MACROD2: variants seen among roughly 807,000 people sequenced by gnomAD.
MACROD2 encodes the protein ADP-ribose glycohydrolase MACROD2.
In MACROD2, 36 loss-of-function variants were observed where a neutral mutation model predicts 70.4. That is an observed-to-expected ratio of 0.51 (90% confidence interval 0.39 to 0.68). The LOEUF is 0.68. Ranked by LOEUF, MACROD2 falls within the 30% of genes least tolerant of loss-of-function variation. The pLI is 0.00. For missense variants in MACROD2, 496 were observed against 538.4 expected, an observed-to-expected ratio of 0.92 and a Z score of 0.78; for synonymous variants, 172 against 178.8, an observed-to-expected ratio of 0.96 and a Z score of 0.30.
At chr20:14,437,498 G>T (rs2084069720) in intron 3 of MACROD2, among the ~76,000 whole-genome samples, 1 of 152,112 alleles carries the variant, frequency 6.6e-6, no homozygotes, top group Non-Finnish European at 1.5e-5. Flanking sequence ...GGAGGCTAAG[G>T]CAGGAGAATC....
intron 5 of MACROD2, among the ~76,000 whole-genome samples, chr20:14,758,559 A>G (rs1797456395): frequency 6.6e-6 from 1 of 152,106 alleles, no homozygotes; most frequent in Admixed American, 6.5e-5. Flanking sequence ...ATTATAACAG[A>G]TGCTTTAAAG....
chr20:15,355,628 A>T (rs147126457), intron 6 of MACROD2, among the ~76,000 whole-genome samples: 76 of 152,256 alleles, frequency 5.0e-4, no homozygotes, highest in Middle Eastern at 3.4e-3. Flanking sequence ...GGCTGGTCCA[A>T]AGTTTCAACT....
At chr20:15,904,126 G>A (rs1008843011) in intron 10 of MACROD2, among the ~76,000 whole-genome samples, 3 of 152,092 alleles carry the variant, frequency 2.0e-5, no homozygotes, top group African/African-American at 4.8e-5. Context: ...TCCTCACCCC[G>A]GGAAGGCCAT....
intron 4 of MACROD2, among the ~76,000 whole-genome samples, chr20:14,520,983 A>ACG (rs1327136127): frequency 1.3e-5 from 2 of 151,718 alleles, no homozygotes; most frequent in Non-Finnish European, 2.9e-5. Context: ...ACGCACACAC[A>ACG]CACCCCCCAA....
rs191040655 is a variant in MACROD2, at chr20:15,559,342, T to G, written c.645+59495T>G. 3.9e-4 allele frequency among the ~76,000 whole-genome samples: 59 copies of G among 150,452 alleles called. 1 individual carries two copies. The highest frequency in any genetic ancestry group is 3.8e-3 in the Admixed American group (58 of 15,106). On this transcript the variant is annotated intron_variant, in intron 8 of 17. Coordinates refer to ENST00000684519, the MANE Select transcript of MACROD2 (RefSeq NM_001351661.2). Reference sequence around the variant, plus strand: ...AGTGAATAAAATATTAAATAAAGAATAGTCATGATTAAATCAATCTCTGGA... The same window carrying G: ...AGTGAATAAAATATTAAATAAAGAAGAGTCATGATTAAATCAATCTCTGGA...
chr20:15,683,009 T>C (rs2050180564), intron 8 of MACROD2, among the ~76,000 whole-genome samples: 1 of 152,220 alleles, frequency 6.6e-6, no homozygotes, highest in African/African-American at 2.4e-5. Context: ...AGATAGTAGT[T>C]AACCTACTCT....
chr20:15,281,469 C>G (rs537552902), intron 6 of MACROD2, among the ~76,000 whole-genome samples: 7 of 152,272 alleles, frequency 4.6e-5, no homozygotes, highest in African/African-American at 1.7e-4. Flanking sequence ...TGGATAAATG[C>G]ACCCATTCCA....
chr20:15,793,425 C>T (rs910748029), intron 8 of MACROD2, among the ~76,000 whole-genome samples: 31 of 152,134 alleles, frequency 2.0e-4, no homozygotes, highest in Admixed American at 1.4e-3. Context: ...TGATATCTTC[C>T]TGTTCATTTA....
At chr20:15,024,546 TA>T (rs1409079505) in intron 5 of MACROD2, among the ~76,000 whole-genome samples, 9 of 151,976 alleles carry the variant, frequency 5.9e-5, no homozygotes, top group South Asian at 2.1e-4. Context: ...AATATCATAA[TA>T]AAAAACATTT....
At chr20:14,771,271 T>C (rs1165297212) in intron 5 of MACROD2, among the ~76,000 whole-genome samples, 1 of 152,090 alleles carries the variant, frequency 6.6e-6, no homozygotes, top group Non-Finnish European at 1.5e-5. Flanking sequence ...AAATGGCAGA[T>C]GGAGTTTTTT....
intron 8 of MACROD2, among the ~76,000 whole-genome samples, chr20:15,808,763 T>C (rs1036285246): frequency 1.3e-5 from 2 of 152,178 alleles, no homozygotes; most frequent in African/African-American, 4.8e-5. Context: ...TTCAGTAATA[T>C]ATAATAAAAC....
At chr20:15,138,457 A>G (rs529344502) in intron 5 of MACROD2, among the ~76,000 whole-genome samples, 1 of 152,236 alleles carries the variant, frequency 6.6e-6, no homozygotes, top group African/African-American at 2.4e-5. Context: ...CCAGTGTAAA[A>G]TTCAAAGAGT....
intron 8 of MACROD2, among the ~76,000 whole-genome samples, chr20:15,814,723 T>C (rs1175301748): frequency 6.6e-6 from 1 of 152,242 alleles, no homozygotes; most frequent in African/African-American, 2.4e-5. Flanking sequence ...GTACAAACTT[T>C]TTCATGATAC....
intron 5 of MACROD2, among the ~76,000 whole-genome samples, chr20:14,863,795 G>A (rs1165621306): frequency 2.6e-5 from 4 of 152,050 alleles, no homozygotes; most frequent in Non-Finnish European, 4.4e-5. Context: ...AACAAAGGCT[G>A]TAAGAGTTTA....
At chr20:15,451,452 T>G (rs2046642380) in intron 7 of MACROD2, among the ~76,000 whole-genome samples, 2 of 143,342 alleles carry the variant, frequency 1.4e-5, no homozygotes, top group Admixed American at 7.1e-5. Flanking sequence ...AAGAGTCACC[T>G]TTGGCCCTTT....
intron 3 of MACROD2, among the ~76,000 whole-genome samples, chr20:14,164,257 G>T (rs1193558798): frequency 6.6e-6 from 1 of 152,192 alleles, no homozygotes; most frequent in East Asian, 1.9e-4. Flanking sequence ...CTTAGGGTGT[G>T]ATTGTTAATG....
chr20:14,677,988 G>C (rs1048186628), intron 4 of MACROD2, among the ~76,000 whole-genome samples: 1 of 152,136 alleles, frequency 6.6e-6, no homozygotes, highest in Admixed American at 6.6e-5. Context: ...TATTTGTTAA[G>C]GCAAACTGGT....
chr20:14,442,737 A>C (rs2084138327), intron 3 of MACROD2, among the ~76,000 whole-genome samples: 1 of 152,006 alleles, frequency 6.6e-6, no homozygotes, highest in African/African-American at 2.4e-5. Flanking sequence ...TGGTCCTAGA[A>C]GCTGAATACC....
intron 4 of MACROD2, among the ~76,000 whole-genome samples, chr20:14,572,091 C>T (rs1049653151): frequency 1.3e-5 from 2 of 152,010 alleles, no homozygotes; most frequent in African/African-American, 4.8e-5. Context: ...ATTTTATAGT[C>T]CTGCTGGTAC....
Sources: gnomAD v4.1 joint callset for allele counts (sites outside exome capture counted in the v4.1 genomes callset) on GRCh38, gnomAD v4.1.1 for gene constraint, MANE v1.5 for transcripts, NCBI Gene and HGNC (gene_info 2026-07-23, HGNC 2026-07-21) for gene names.